The following KMT5B variants were observed in gnomAD, a reference collection of about 807,000 sequenced individuals.
KMT5B encodes histone-lysine N-methyltransferase KMT5B.
Under a neutral mutation model 83.2 loss-of-function variants are expected in KMT5B, and 10 were observed. That is an observed-to-expected ratio of 0.12 (90% CI 0.07 to 0.20). The LOEUF is 0.20. Among genes scored for constraint, KMT5B ranks in the 10% least tolerant of loss-of-function variants. The pLI is 1.00. For synonymous variants in KMT5B, 349 were observed against 388.8 expected (o/e 0.90, Z 1.20); for missense variants, 753 against 1,067.2 (o/e 0.71, Z 4.10).
chr11:68,188,412 T>C (rs1420927563), intron 2 of KMT5B, among the ~76,000 whole-genome samples: 1 of 151,226 alleles, frequency 6.6e-6, no homozygotes, highest in Non-Finnish European at 1.5e-5. Context: ...TGGTGTGATC[T>C]CGGCTCACTG....
At chr11:68,183,579 G>C (rs575933920) in intron 3 of KMT5B, among the ~76,000 whole-genome samples, 2 of 151,528 alleles carry the variant, frequency 1.3e-5, no homozygotes, top group African/African-American at 4.9e-5. Flanking sequence ...GGCTGGTCTC[G>C]AACTCCTGAG....
intron 3 of KMT5B, among the ~76,000 whole-genome samples, chr11:68,180,924 T>C (rs1476821936): frequency 6.6e-6 from 1 of 152,222 alleles, no homozygotes; most frequent in Non-Finnish European, 1.5e-5. Context: ...AAATTGAAAT[T>C]AGCATTTTGT....
At chr11:68,211,773 A>G (rs1860938497) in intron 1 of KMT5B, among the ~76,000 whole-genome samples, 1 of 152,208 alleles carries the variant, frequency 6.6e-6, no homozygotes. Flanking sequence ...GCCGACAGGG[A>G]CCAGGTATGG....
intron 1 of KMT5B, among the ~76,000 whole-genome samples, chr11:68,200,491 C>T (rs976661547): frequency 5.9e-5 from 9 of 152,204 alleles, no homozygotes; most frequent in Admixed American, 3.9e-4. Context: ...TCTTAAAACA[C>T]GCACTTGTGA....
At chr11:68,175,206 A>G (rs750111936) in intron 4 of KMT5B, 23 bp from the exon 5 acceptor site, 73 of 1,599,408 alleles carry the variant, frequency 4.6e-5, no homozygotes, top group Non-Finnish European at 5.9e-5. Context: ...AAAAGAATGA[A>G]TGGGTTATCT....
At chr11:68,205,091 T>C (rs939423141) in intron 1 of KMT5B, among the ~76,000 whole-genome samples, 3 of 151,944 alleles carry the variant, frequency 2.0e-5, no homozygotes, top group African/African-American at 7.3e-5. Flanking sequence ...TAAAACAGTG[T>C]ATTTAAAACA....
chr11:68,173,422 A>AG (rs754159035), intron 6 of KMT5B, among the ~76,000 whole-genome samples: 3 of 152,230 alleles, frequency 2.0e-5, no homozygotes, highest in Non-Finnish European at 4.4e-5. Flanking sequence ...CTAATGCTTT[A>AG]GGGAGGTTTC....
intron 10 of KMT5B, among the ~76,000 whole-genome samples, chr11:68,161,621 C>G (rs1464331630): frequency 6.6e-6 from 1 of 152,112 alleles, no homozygotes; most frequent in Non-Finnish European, 1.5e-5. Flanking sequence ...CCAGCACACA[C>G]TCCTCAGCCC....
chr11:68,170,115 T>C (rs1855701140), intron 9 of KMT5B, among the ~76,000 whole-genome samples: 1 of 152,120 alleles, frequency 6.6e-6, no homozygotes, highest in African/African-American at 2.4e-5. Flanking sequence ...GGCTGGCTAT[T>C]TGTAGGTGTT....
chr11:68,212,791 G>C (rs1198746331), intron 1 of KMT5B: 1 of 152,188 alleles, frequency 6.6e-6, no homozygotes, highest in Non-Finnish European at 1.5e-5. Context: ...GGGCGAGACG[G>C]TTCACGGCTG....
At chr11:68,179,344 A>AT (rs1177038350) in intron 4 of KMT5B, 4 of 908,842 alleles carry the variant, frequency 4.4e-6, no homozygotes, top group Non-Finnish European at 6.0e-6. Flanking sequence ...TCAACCAAAC[A>AT]TATCTATTTT....
At chr11:68,207,545 C>A (rs1860289059) in intron 1 of KMT5B, among the ~76,000 whole-genome samples, 2 of 152,126 alleles carry the variant, frequency 1.3e-5, no homozygotes, top group Admixed American at 1.3e-4. Context: ...GTAATCCCAG[C>A]ACTTTGGGAG....
chr11:68,172,974 T>C (rs1051155178), intron 6 of KMT5B, among the ~76,000 whole-genome samples: 1 of 152,106 alleles, frequency 6.6e-6, no homozygotes, highest in African/African-American at 2.4e-5. Context: ...GGAACAGGCA[T>C]GATAGGAAAG....
chr11:68,175,544 T>C (rs1856278107), intron 4 of KMT5B, among the ~76,000 whole-genome samples: 1 of 152,238 alleles, frequency 6.6e-6, no homozygotes, highest in Non-Finnish European at 1.5e-5. Flanking sequence ...AGACTTACAC[T>C]AGTCGTCAAC....
At chr11:68,166,547 T>TAAGGCCAGAAGCTATGAATTCCCC in intron 10 of KMT5B, 10 of 1,008,822 alleles carry the variant, frequency 9.9e-6, no homozygotes, top group Non-Finnish European at 1.2e-5. Flanking sequence ...GTGGAAGCCT[T>TAAGGCCAGAAGCTATGAATTCCCC]AAGGCCAGAA....
intron 3 of KMT5B, among the ~76,000 whole-genome samples, chr11:68,182,471 T>C (rs1033220603): frequency 4.6e-5 from 7 of 152,172 alleles, no homozygotes; most frequent in African/African-American, 2.4e-5. Context: ...CTTCCTTTTG[T>C]TTTTTAATAT....
rs560704737 is a variant in KMT5B, at chr11:68,187,739, T to C, written c.161-1811A>G. ...CATTATTAAAAGTGGCGTATCAAAG[T>C]CTCCAAATTATTGCTGAATTGTTGA... On this transcript the variant is annotated intron_variant, in intron 2 of 10. Transcript: ENST00000304363. Among the ~76,000 whole-genome samples, 115 of 152,354 alleles carry C rather than the reference T, an allele frequency of 7.5e-4. No individual in the cohort carries two copies. The Middle Eastern group carries it at 0.014, about 18-fold the overall frequency.
chr11:68,213,482 C>T (rs188062255), upstream of KMT5B: 476 of 149,878 alleles, frequency 3.2e-3, 4 homozygotes, highest in East Asian at 0.022. Context: ...CTCACCTCGC[C>T]TCGCGCACGG....
At chr11:68,164,673 A>G (rs1294636151) in intron 10 of KMT5B, 5 of 514,430 alleles carry the variant, frequency 9.7e-6, no homozygotes, top group Non-Finnish European at 1.9e-5. Flanking sequence ...GATTGCTCCA[A>G]TCATGCTGCA....
Sources: allele counts gnomAD v4.1 joint callset (sites outside exome capture counted in the v4.1 genomes callset), GRCh38; gene constraint gnomAD v4.1.1; transcripts MANE v1.5; gene names NCBI Gene and HGNC (gene_info 2026-07-23, HGNC 2026-07-21).